Variants in BICD1 observed in about 807,000 individuals in gnomAD.
The protein encoded by BICD1 is protein bicaudal D homolog 1.
In BICD1, 35 loss-of-function variants were observed where a neutral mutation model predicts 92.5. The ratio of observed to expected loss-of-function variants is 0.38; its 90% CI spans 0.29 to 0.50. The LOEUF is 0.50. BICD1 is among the 20% of genes least tolerant of loss of function. The pLI is 0.93. For synonymous variants in BICD1, 429 were observed against 465.1 expected, an observed-to-expected ratio of 0.92 and a Z score of 1.00; for missense variants, 950 against 1,189.8, an observed-to-expected ratio of 0.80 and a Z score of 2.97.
chr12:32,167,801 T>C (rs1943814150), intron 1 of BICD1, among the ~76,000 whole-genome samples: 1 of 152,126 alleles, frequency 6.6e-6, no homozygotes, highest in Admixed American at 6.5e-5. Context: ...GGGTGCTAAG[T>C]GATTGAGGGA....
chr12:32,182,278 CTT>C (rs759328721), intron 1 of BICD1, among the ~76,000 whole-genome samples: 1,065 of 81,286 alleles, frequency 0.013, 4 homozygotes, highest in African/African-American at 0.043. Context: ...TTCTTTCTTT[CTT>C]TTTTTTTTTT....
chr12:32,139,542 A>G (rs1942833796), intron 1 of BICD1, among the ~76,000 whole-genome samples: 1 of 152,196 alleles, frequency 6.6e-6, no homozygotes, highest in Admixed American at 6.5e-5. Context: ...ACGCTAGCAT[A>G]CGGTGGGCAC....
chr12:32,166,998 T>C (rs1261391091), intron 1 of BICD1, among the ~76,000 whole-genome samples: 3 of 152,220 alleles, frequency 2.0e-5, no homozygotes, highest in East Asian at 3.9e-4. Context: ...AATGTTTGCA[T>C]TGGTTATCCT....
intron 1 of BICD1, among the ~76,000 whole-genome samples, chr12:32,173,994 T>C (rs1161637041): frequency 6.6e-6 from 1 of 152,252 alleles, no homozygotes; most frequent in Non-Finnish European, 1.5e-5. Flanking sequence ...TTTTACATAA[T>C]GATCTTGAAC....
At chr12:32,130,014 A>G (rs1287480472) in intron 1 of BICD1, among the ~76,000 whole-genome samples, 1 of 152,224 alleles carries the variant, frequency 6.6e-6, no homozygotes, top group Non-Finnish European at 1.5e-5. Flanking sequence ...TATAGGTACA[A>G]TGAGTTTATT....
chr12:32,306,183 T>C, intron 4 of BICD1, 61 bp downstream of exon 4: 2 of 1,419,388 alleles, frequency 1.4e-6, no homozygotes, highest in South Asian at 2.8e-5. Context: ...TAGCATGTTG[T>C]GGGACTTCTG....
intron 4 of BICD1, among the ~76,000 whole-genome samples, chr12:32,321,590 A>G (rs999890444): frequency 6.6e-6 from 1 of 152,166 alleles, no homozygotes; most frequent in Non-Finnish European, 1.5e-5. Flanking sequence ...TAAACCCCTC[A>G]ACTCTCTCTT....
chr12:32,212,160 G>A (rs994595160), intron 1 of BICD1, among the ~76,000 whole-genome samples: 3 of 152,182 alleles, frequency 2.0e-5, no homozygotes, highest in East Asian at 1.9e-4. Context: ...ATTTTGATCC[G>A]TGTCAAGATT....
At chr12:32,118,087 A>AT (rs372015819) in intron 1 of BICD1, among the ~76,000 whole-genome samples, 2,993 of 128,380 alleles carry the variant, frequency 0.023, 61 homozygotes, top group African/African-American at 0.05. Context: ...ATTTTATTTT[A>AT]TTTATTTTTT....
intron 1 of BICD1, among the ~76,000 whole-genome samples, chr12:32,197,023 CTTTT>C (rs1277860754): frequency 6.9e-6 from 1 of 144,054 alleles, no homozygotes. Flanking sequence ...CAAGATTTTA[CTTTT>C]TTTTTTTTTT....
At chr12:32,119,861 ACT>A (rs1361912551) in intron 1 of BICD1, among the ~76,000 whole-genome samples, 3 of 128,016 alleles carry the variant, frequency 2.3e-5, no homozygotes, top group Non-Finnish European at 5.1e-5. Flanking sequence ...ACAGAACAAG[ACT>A]CTGTCTCAAA....
At chr12:32,288,799 G>A (rs939976594) in intron 2 of BICD1, among the ~76,000 whole-genome samples, 4 of 151,798 alleles carry the variant, frequency 2.6e-5, no homozygotes, top group African/African-American at 9.7e-5. Flanking sequence ...CTGGGAGGCG[G>A]AGGTTGCAGT....
At chr12:32,138,748 G>A (rs144425076) in intron 1 of BICD1, among the ~76,000 whole-genome samples, 99 of 152,176 alleles carry the variant, frequency 6.5e-4, no homozygotes, top group African/African-American at 2.2e-3. Context: ...TAGGTTAGGC[G>A]TATTAAATGT....
chr12:32,300,457 T>C (rs1948005850), intron 3 of BICD1, among the ~76,000 whole-genome samples: 1 of 151,402 alleles, frequency 6.6e-6, no homozygotes, highest in Admixed American at 6.6e-5. Context: ...TAACAAAGAT[T>C]GCAGCAAAAC....
rs186445324 is a variant in BICD1 at position 32,133,345 on chromosome 12, G to A, written c.213+25801G>A. Among the ~76,000 whole-genome samples the A allele has an allele frequency of 1.8e-3, 276 of 152,042 alleles. 1 individual carries two copies. Among genetic ancestry groups the A allele is most frequent in the African/African-American group, 6.1e-3 (251 of 41,454 alleles). On this transcript the variant is annotated intron_variant, in intron 1 of 9. Coordinates refer to ENST00000652176, the MANE Select transcript of BICD1 (RefSeq NM_001714.4). ...TCTACTAAAAATGCAAAAATTAGCC[G>A]GGTATGGTGGTGCACACCTGTAATC...
intron 1 of BICD1, among the ~76,000 whole-genome samples, chr12:32,215,975 A>T (rs184023452): frequency 6.9e-6 from 1 of 143,994 alleles, no homozygotes; most frequent in Non-Finnish European, 1.5e-5. Flanking sequence ...AAAAAAAAAA[A>T]GGAGAACATA....
intron 9 of BICD1, among the ~76,000 whole-genome samples, chr12:32,368,930 TAGAC>T (rs1310850674): frequency 2.6e-5 from 4 of 152,052 alleles, no homozygotes; most frequent in East Asian, 1.9e-4. Context: ...AATAGATAGA[TAGAC>T]AGACAGATAG....
At chr12:32,147,876 C>T (rs1151022) in intron 1 of BICD1, among the ~76,000 whole-genome samples, 151,670 of 152,248 alleles carry the variant, frequency 1, 75,553 homozygotes, top group Middle Eastern at 1. Flanking sequence ...CTGTGGCACA[C>T]GCCTAAAATT....
intron 2 of BICD1, among the ~76,000 whole-genome samples, chr12:32,222,549 C>T (rs897864594): frequency 9.9e-5 from 15 of 152,128 alleles, no homozygotes; most frequent in African/African-American, 3.4e-4. Flanking sequence ...GCCATGTCAC[C>T]GTAGCTGCCA....
Sources: allele counts gnomAD v4.1 joint callset (sites outside exome capture counted in the v4.1 genomes callset), GRCh38; gene constraint gnomAD v4.1.1; transcripts MANE v1.5; gene names NCBI Gene and HGNC (gene_info 2026-07-23, HGNC 2026-07-21).